Variants in C8orf34 observed in about 807,000 individuals in gnomAD.
C8orf34 encodes uncharacterized protein C8orf34.
C8orf34 carries 65 observed loss-of-function variants against 68.3 expected under a neutral mutation model. That is an observed-to-expected ratio of 0.95 (90% CI 0.78 to 1.17). The LOEUF (loss-of-function observed/expected upper bound fraction) is 1.17, where lower values mean the gene tolerates loss of function less well. Ranked by LOEUF, C8orf34 falls within the 50% of genes most tolerant of loss-of-function variation. C8orf34 has a pLI of 0.00. For synonymous variants in C8orf34, 244 were observed against 241.2 expected, an observed-to-expected ratio of 1.01 and a Z score of -0.11; for missense variants, 664 against 655.4, an observed-to-expected ratio of 1.01 and a Z score of -0.14.
intron 8 of C8orf34, among the ~76,000 whole-genome samples, 187 bp downstream of exon 8, chr8:68,640,698 A>G (rs745544506): frequency 6.6e-6 from 1 of 152,172 alleles, no homozygotes; most frequent in Admixed American, 6.5e-5. Flanking sequence ...CAGACCAACA[A>G]TGAATCAAAG....
At chr8:68,699,361 C>T (rs1323168966) in intron 8 of C8orf34, among the ~76,000 whole-genome samples, 1 of 152,046 alleles carries the variant, frequency 6.6e-6, no homozygotes. Context: ...GTGCTGATTC[C>T]AATGCCCAGG....
At chr8:68,354,502 C>T (rs1265078397) in intron 1 of C8orf34, among the ~76,000 whole-genome samples, 1 of 152,060 alleles carries the variant, frequency 6.6e-6, no homozygotes, top group African/African-American at 2.4e-5. Context: ...CCACAGCACC[C>T]AGCTGAGAAT....
chr8:68,595,840 G>A (rs1051957717), intron 7 of C8orf34, among the ~76,000 whole-genome samples: 3 of 151,962 alleles, frequency 2.0e-5, no homozygotes, highest in East Asian at 1.9e-4. Context: ...CAGAATGTGA[G>A]GTGATTTTTT....
intron 12 of C8orf34, chr8:68,790,776 G>A (rs777338484): frequency 2.7e-5 from 18 of 656,076 alleles, no homozygotes; most frequent in Non-Finnish European, 4.1e-5. Flanking sequence ...ATCTACTGGG[G>A]TACTTGTTTA....
intron 10 of C8orf34, among the ~76,000 whole-genome samples, chr8:68,725,883 C>T (rs1158174696): frequency 6.6e-6 from 1 of 151,932 alleles, no homozygotes; most frequent in Non-Finnish European, 1.5e-5. Context: ...TTATCAGTAG[C>T]CAATATCTTT....
intron 7 of C8orf34, among the ~76,000 whole-genome samples, chr8:68,610,863 T>TTTG (rs10632908): frequency 0.024 from 3,401 of 140,952 alleles, 194 homozygotes; most frequent in African/African-American, 0.087. Flanking sequence ...AATCTTTGGT[T>TTTG]TTTTTTTTTT....
intron 5 of C8orf34, among the ~76,000 whole-genome samples, chr8:68,490,723 C>T (rs1257962096): frequency 6.6e-6 from 1 of 152,022 alleles, no homozygotes; most frequent in Non-Finnish European, 1.5e-5. Flanking sequence ...AAAATCGACC[C>T]CACTTTTGCA....
intron 11 of C8orf34, among the ~76,000 whole-genome samples, chr8:68,783,441 C>T (rs1380220217): frequency 5.1e-5 from 7 of 136,950 alleles, no homozygotes; most frequent in African/African-American, 2.1e-4. Flanking sequence ...TTGCTTGAAC[C>T]TGGGAGGCGG....
intron 1 of C8orf34, among the ~76,000 whole-genome samples, chr8:68,430,792 C>G (rs1409625632): frequency 2.0e-5 from 3 of 152,062 alleles, no homozygotes; most frequent in African/African-American, 7.2e-5. Context: ...GGATGACTTG[C>G]AAGACAATGT....
rs193058072 is a variant in C8orf34, at chr8:68,791,579, A to G, written c.1549+4043A>G. On this transcript the variant is annotated intron_variant, in intron 12 of 13. Coordinates refer to ENST00000518698, the MANE Select transcript of C8orf34 (RefSeq NM_052958.4). ...ACAAATAAATAAGCTAAAAACACAC[A>G]AGCAAACAAACAACCAAACCAAACC... The G allele has an allele frequency of 1.3e-3, 200 of 152,394 alleles. 1 individual carries two copies. Among genetic ancestry groups the G allele is most frequent in the Middle Eastern group, 6.8e-3 (2 of 294 alleles). The allele number at this position is 152,394 out of a possible 1,614,324, so 9.4% of individuals were successfully genotyped here.
intron 8 of C8orf34, among the ~76,000 whole-genome samples, chr8:68,674,135 C>A (rs1343730216): frequency 6.6e-6 from 1 of 152,016 alleles, no homozygotes; most frequent in Non-Finnish European, 1.5e-5. Flanking sequence ...ATGACAACAC[C>A]CAAGTCCCCT....
At chr8:68,678,859 GA>G (rs35973682) in intron 8 of C8orf34, among the ~76,000 whole-genome samples, 46,256 of 116,742 alleles carry the variant, frequency 0.4, 7,516 homozygotes, top group Non-Finnish European at 0.45. Flanking sequence ...GACCACAACT[GA>G]AAAAAAAAAA....
At chr8:68,424,360 T>C (rs1360461337) in intron 1 of C8orf34, among the ~76,000 whole-genome samples, 9 of 152,126 alleles carry the variant, frequency 5.9e-5, no homozygotes, top group Non-Finnish European at 1.3e-4. Flanking sequence ...TGATAGGATA[T>C]AACTAAATAG....
At chr8:68,608,303 G>A (rs7845972) in intron 7 of C8orf34, among the ~76,000 whole-genome samples, 44,499 of 151,476 alleles carry the variant, frequency 0.29, 8,273 homozygotes, top group African/African-American at 0.55. Context: ...TAATAAAAGC[G>A]ATCTTCTAGG....
intron 7 of C8orf34, among the ~76,000 whole-genome samples, chr8:68,554,483 C>CT (rs1816188083): frequency 6.6e-6 from 1 of 152,088 alleles, no homozygotes; most frequent in Non-Finnish European, 1.5e-5. Flanking sequence ...GATTAAATGA[C>CT]TTTTTTGTAT....
intron 3 of C8orf34, among the ~76,000 whole-genome samples, chr8:68,465,881 A>G (rs375254729): frequency 0.01 from 1,523 of 151,982 alleles, 11 homozygotes; most frequent in Non-Finnish European, 0.016. Context: ...CAGCACACCA[A>G]CATGGCACAT....
At chr8:68,392,191 A>T (rs893666521) in intron 1 of C8orf34, among the ~76,000 whole-genome samples, 1 of 151,694 alleles carries the variant, frequency 6.6e-6, no homozygotes, top group African/African-American at 2.4e-5. Context: ...ATTTTTTTTC[A>T]TTTAGGCCTT....
chr8:68,522,532 G>C (rs942434179), intron 6 of C8orf34, among the ~76,000 whole-genome samples: 2 of 152,080 alleles, frequency 1.3e-5, no homozygotes, highest in African/African-American at 4.8e-5. Context: ...AAATGTGAAA[G>C]TCCATACTTT....
At chr8:68,480,536 A>T (rs144343034) in intron 4 of C8orf34, among the ~76,000 whole-genome samples, 211 of 152,330 alleles carry the variant, frequency 1.4e-3, no homozygotes, top group Non-Finnish European at 2.6e-3. Flanking sequence ...TCAGAAGAAG[A>T]CAGGAAAATG....
Sources: gnomAD v4.1 joint callset for allele counts (sites outside exome capture counted in the v4.1 genomes callset) on GRCh38, gnomAD v4.1.1 for gene constraint, MANE v1.5 for transcripts, NCBI Gene and HGNC (gene_info 2026-07-23, HGNC 2026-07-21) for gene names.